The following NKAIN3 variants were observed in gnomAD, a reference collection of about 807,000 sequenced individuals.
NKAIN3 encodes the protein sodium/potassium transporting ATPase interacting 3.
NKAIN3 carries 25 observed loss-of-function variants against 30.2 expected under a neutral mutation model. The observed-to-expected ratio is 0.83, with a 90% CI of 0.60 to 1.16. The LOEUF is 1.16. NKAIN3 is among the 50% of genes most tolerant of loss of function. The probability of loss-of-function intolerance (pLI) is 0.00; values close to 1 mark genes in which losing one functional copy is unlikely to be tolerated. For missense variants in NKAIN3, 225 were observed against 254.1 expected (o/e 0.89, Z 0.78); for synonymous variants, 91 against 89.6 (o/e 1.02, Z -0.09).
At chr8:62,797,759 C>T (rs1415506073) in intron 4 of NKAIN3, among the ~76,000 whole-genome samples, 1 of 152,102 alleles carries the variant, frequency 6.6e-6, no homozygotes, top group Non-Finnish European at 1.5e-5. Flanking sequence ...CAGAATGTGA[C>T]CTTATGGAAA....
At chr8:62,759,549 G>A (rs531399992) in intron 4 of NKAIN3, among the ~76,000 whole-genome samples, 16 of 152,166 alleles carry the variant, frequency 1.1e-4, no homozygotes, top group South Asian at 2.1e-4. Context: ...CTTATCAGAC[G>A]GACATCAAAT....
At chr8:62,343,881 G>C (rs1261908929) in intron 1 of NKAIN3, among the ~76,000 whole-genome samples, 3 of 152,056 alleles carry the variant, frequency 2.0e-5, no homozygotes, top group Non-Finnish European at 4.4e-5. Flanking sequence ...TAAAATTGCT[G>C]TAGTATAGAG....
intron 1 of NKAIN3, among the ~76,000 whole-genome samples, chr8:62,261,197 CTAAG>C (rs368336353): frequency 3.3e-5 from 5 of 152,064 alleles, no homozygotes; most frequent in Admixed American, 2.0e-4. Context: ...ATTTTATAAC[CTAAG>C]TGTTTTATTT....
chr8:62,795,062 C>G (rs995340588), intron 4 of NKAIN3, among the ~76,000 whole-genome samples: 7 of 152,084 alleles, frequency 4.6e-5, no homozygotes, highest in African/African-American at 1.7e-4. Flanking sequence ...AGAGCAAGGT[C>G]CAGGAATTTG....
chr8:62,912,019 C>A (rs758001659), intron 4 of NKAIN3, among the ~76,000 whole-genome samples: 5 of 152,070 alleles, frequency 3.3e-5, no homozygotes, highest in African/African-American at 9.7e-5. Context: ...CGGCCTTAGG[C>A]GATTTCATCA....
At chr8:62,882,415 C>T (rs1240658888) in intron 4 of NKAIN3, among the ~76,000 whole-genome samples, 4 of 152,066 alleles carry the variant, frequency 2.6e-5, no homozygotes, top group Non-Finnish European at 4.4e-5. Flanking sequence ...GCCTCCCAGG[C>T]TCAGTGATTC....
chr8:62,275,833 C>G (rs943592595), intron 1 of NKAIN3, among the ~76,000 whole-genome samples: 3 of 152,032 alleles, frequency 2.0e-5, no homozygotes, highest in Non-Finnish European at 2.9e-5. Context: ...ATAGTATCGA[C>G]TCTTCTAAAT....
intron 3 of NKAIN3, among the ~76,000 whole-genome samples, chr8:62,713,229 T>C (rs1814779773): frequency 6.6e-6 from 1 of 152,224 alleles, no homozygotes; most frequent in Non-Finnish European, 1.5e-5. Context: ...TGGGGTCCGC[T>C]GTCAGCTTCT....
At chr8:62,258,036 T>G (rs1019494503) in intron 1 of NKAIN3, among the ~76,000 whole-genome samples, 2 of 152,152 alleles carry the variant, frequency 1.3e-5, no homozygotes, top group Non-Finnish European at 2.9e-5. Flanking sequence ...TTTTATTTTA[T>G]TTTATTTTAT....
At chr8:62,465,079 T>C (rs1231476163) in intron 1 of NKAIN3, among the ~76,000 whole-genome samples, 1 of 152,198 alleles carries the variant, frequency 6.6e-6, no homozygotes, top group East Asian at 1.9e-4. Flanking sequence ...AAGGTATCAC[T>C]TTACAGCTTT....
At chr8:62,588,784 GATAAA>G (rs1288092199) in intron 2 of NKAIN3, among the ~76,000 whole-genome samples, 15 of 151,750 alleles carry the variant, frequency 9.9e-5, no homozygotes, top group African/African-American at 3.6e-4. Flanking sequence ...TCATTTTTGT[GATAAA>G]ATAAAACGAA....
intron 1 of NKAIN3, among the ~76,000 whole-genome samples, chr8:62,378,838 GC>G (rs1420283048): frequency 6.6e-6 from 1 of 152,114 alleles, no homozygotes; most frequent in Non-Finnish European, 1.5e-5. Context: ...TGAGTTCAGA[GC>G]CCCCACACAA....
At chr8:62,758,378 A>T (rs1002882495) in intron 4 of NKAIN3, among the ~76,000 whole-genome samples, 28 of 152,316 alleles carry the variant, frequency 1.8e-4, no homozygotes, top group Admixed American at 1.8e-3. Context: ...TGGTTTTTAT[A>T]ATCATACTGT....
chr8:62,870,614 A>G (rs902673680), intron 4 of NKAIN3, among the ~76,000 whole-genome samples: 2 of 109,426 alleles, frequency 1.8e-5, no homozygotes, highest in Admixed American at 8.9e-5. Context: ...CATATACAAT[A>G]TATATACAAA....
chr8:62,754,404 G>A (rs776831127), intron 4 of NKAIN3, among the ~76,000 whole-genome samples: 61 of 151,642 alleles, frequency 4.0e-4, no homozygotes, highest in Admixed American at 9.2e-4. Context: ...ATATAAAGGA[G>A]CTCATTTTTA....
At chr8:62,565,494 C>A (rs764000681) in intron 1 of NKAIN3, among the ~76,000 whole-genome samples, 1 of 151,894 alleles carries the variant, frequency 6.6e-6, no homozygotes, top group Non-Finnish European at 1.5e-5. Context: ...GAGGGGAAAC[C>A]GAGGCACAGA....
chr8:62,897,203 T>C (rs184633525), intron 4 of NKAIN3, among the ~76,000 whole-genome samples: 28 of 152,220 alleles, frequency 1.8e-4, no homozygotes, highest in African/African-American at 6.7e-4. Context: ...AAGGAATAAA[T>C]GTAGACACAA....
chr8:62,752,797 A>G (rs2130598383), intron 4 of NKAIN3, among the ~76,000 whole-genome samples: 1 of 152,322 alleles, frequency 6.6e-6, no homozygotes, highest in African/African-American at 2.4e-5. Context: ...TACAAAACCC[A>G]AAGTATGTAA....
chr8:62,536,605 A>G (rs1458364521), intron 1 of NKAIN3, among the ~76,000 whole-genome samples: 1 of 151,904 alleles, frequency 6.6e-6, no homozygotes, highest in African/African-American at 2.4e-5. Context: ...CCTGAGGAAA[A>G]CATGACAAAC....
Sources: gnomAD v4.1 joint callset for allele counts (sites outside exome capture counted in the v4.1 genomes callset) on GRCh38, gnomAD v4.1.1 for gene constraint, MANE v1.5 for transcripts, NCBI Gene and HGNC (gene_info 2026-07-23, HGNC 2026-07-21) for gene names.